Variants in SASH1 observed in about 807,000 individuals in gnomAD.
The protein encoded by SASH1 is SAM and SH3 domain-containing protein 1.
A neutral mutation model predicts 125.2 loss-of-function variants in SASH1; 44 were observed. The ratio of observed to expected loss-of-function variants is 0.35; its 90% confidence interval spans 0.28 to 0.45. The LOEUF (loss-of-function observed/expected upper bound fraction) is 0.45, where lower values mean the gene tolerates loss of function less well. Ranked by LOEUF, SASH1 falls within the 20% of genes least tolerant of loss-of-function variation. SASH1 has a pLI of 1.00. For synonymous variants in SASH1, 639 were observed against 649.1 expected (o/e 0.98, Z 0.24); for missense variants, 1,426 against 1,614.5 (o/e 0.88, Z 2.00).
intron 6 of SASH1, among the ~76,000 whole-genome samples, chr6:148,472,614 A>G (rs1778170487): frequency 6.6e-6 from 1 of 152,202 alleles, no homozygotes; most frequent in Admixed American, 6.5e-5. Context: ...AAAATGAATC[A>G]ACCCAGCAGG....
intron 4 of SASH1, among the ~76,000 whole-genome samples, chr6:148,447,962 C>T (rs1337649766): frequency 2.6e-5 from 4 of 152,132 alleles, no homozygotes; most frequent in Non-Finnish European, 5.9e-5. Context: ...ACTCCCCGAC[C>T]TTTCCCTGGG....
chr6:148,532,246 T>C lies in SASH1; in HGVS notation c.1565-551T>C, dbSNP rs1446227049. On this transcript the variant is annotated intron_variant, in intron 13 of 19. Coordinates refer to ENST00000367467, the MANE Select transcript of SASH1 (RefSeq NM_015278.5). The surrounding 1 kb of genome is among the most constrained non-coding windows in gnomAD (Gnocchi z 4.7). The stretch of plus-strand genomic sequence containing the variant: ...GTCATGCCACCACACCCGGCTAATT[T>C]TGTTGTAGAGACGGGGTTTTGCCAT... Among the ~76,000 whole-genome samples, 1 of 151,904 alleles carries C rather than the reference T, an allele frequency of 6.6e-6. No homozygotes were observed. Among genetic ancestry groups the C allele is most frequent in the African/African-American group, 2.4e-5 (1 of 41,352 alleles).
intron 1 of SASH1, among the ~76,000 whole-genome samples, chr6:148,345,750 T>G (rs1433081075): frequency 6.6e-6 from 1 of 152,232 alleles, no homozygotes; most frequent in East Asian, 1.9e-4. Context: ...CAATCATCTA[T>G]CAATCTAGAC....
chr6:148,429,031 C>T (rs144283071), intron 2 of SASH1, among the ~76,000 whole-genome samples: 76 of 152,232 alleles, frequency 5.0e-4, no homozygotes, highest in African/African-American at 1.7e-3. Context: ...AAGAAACTGA[C>T]AGGCCACTAC....
chr6:148,341,419 C>G (rs1312968843), upstream of SASH1, among the ~76,000 whole-genome samples: 2 of 151,284 alleles, frequency 1.3e-5, no homozygotes, highest in African/African-American at 4.9e-5. Flanking sequence ...GTGATTCGCC[C>G]GCCTCAGCCT....
intron 1 of SASH1, among the ~76,000 whole-genome samples, chr6:148,299,768 A>T (rs1213529979): frequency 6.6e-6 from 1 of 152,048 alleles, no homozygotes; most frequent in Non-Finnish European, 1.5e-5. Context: ...AACCTGTATT[A>T]GGAGGGGCTG....
chr6:148,249,539 G>C, the SASH1 span, among the ~76,000 whole-genome samples: 1 of 152,134 alleles, frequency 6.6e-6, no homozygotes, highest in Non-Finnish European at 1.5e-5. Context: ...GACAGATAGG[G>C]GTACGAATCT....
At chr6:148,365,552 C>T (rs1205344187) in intron 1 of SASH1, among the ~76,000 whole-genome samples, 1 of 152,008 alleles carries the variant, frequency 6.6e-6, no homozygotes, top group Non-Finnish European at 1.5e-5. Context: ...ACCATATTTC[C>T]CTTTAAGAAT....
rs751757360 is a variant in SASH1, at chr6:148,440,367, G to A, written c.346G>A (p.Gly116Ser). ...GAATCTTCTCTCGTAGGAGTCGCTT[G>A]GCTTCTGTAGCGCCGTGTCAACCCC... ...QLRSQIEESL[G>S]FCSAVSTPEV... The change falls in exon 4 of 20, where the codon GGC (glycine) becomes AGC (serine). Residue 116 changes from glycine to serine, a missense_variant. Gly to Ser is a moderately conservative substitution (Grantham distance 56). Around this residue, in one of 3 missense-constraint regions of SASH1, gnomAD observed 567 missense variants for 575.6 expected, o/e 0.99. Coordinates refer to ENST00000367467, the MANE Select transcript of SASH1 (RefSeq NM_015278.5). The A allele has an allele frequency of 6.8e-6, 11 of 1,613,300 alleles. No individual in the cohort carries two copies. Among genetic ancestry groups the A allele is most frequent in the Admixed American group, 3.3e-5 (2 of 59,978 alleles).
At chr6:148,265,633 T>C in the SASH1 span, among the ~76,000 whole-genome samples, 3 of 152,288 alleles carry the variant, frequency 2.0e-5, no homozygotes, top group African/African-American at 4.8e-5. Context: ...AGAGCATTGA[T>C]TAATGTTCCA....
At position 148,387,616 on chromosome 6, in the gene SASH1, CT is replaced by C. The variant is rs1184664789; in HGVS notation, c.157-2515del. On this transcript the variant is annotated intron_variant, in intron 1 of 19. Coordinates refer to ENST00000367467, the MANE Select transcript of SASH1 (RefSeq NM_015278.5). ...TCTTTCTTTCTTTCTTTCTTTCTTT[CT>C]TTCTTTCTTTCTTTCTTTCTTTCTT... Among the ~76,000 whole-genome samples the C allele has an allele frequency of 3.3e-4, 7 of 21,034 alleles. 1 individual carries two copies. Among genetic ancestry groups the C allele is most frequent in the African/African-American group, 1.4e-3 (7 of 4,960 alleles). 13.8% of individuals were successfully genotyped at this position (21,034 alleles called of 152,430 possible). A position where few individuals can be genotyped will look rare whatever the true frequency, so the allele number is the denominator to read the frequency against.
In SASH1 at chr6:148,525,360, C is replaced by T; in HGVS notation, c.1279C>T (p.Pro427Ser). 1 of 1,612,940 alleles carries T rather than the reference C, an allele frequency of 6.2e-7. No homozygotes were observed. ...GCACGTTGGCAGTAATAATTCTGAC[C>T]CAATGGTGAGTAACATCAGAGGAAA... ...SLHVGSNNSD[P>S]MGKEGDFVYK... The change falls in exon 11 of 20, where the codon CCA becomes TCA. Residue 427 changes from proline to serine, a missense_variant. This residue lies in a region of SASH1 where 567 missense variants were observed against 575.6 expected (regional missense o/e 0.99). Transcript: ENST00000367467.
At chr6:148,277,047 G>GATTAA (rs1167999114) in intron 1 of SASH1, among the ~76,000 whole-genome samples, 18 of 152,144 alleles carry the variant, frequency 1.2e-4, no homozygotes, top group Admixed American at 7.2e-4. Context: ...ACACGGTGTG[G>GATTAA]TAGACACATA....
chr6:148,526,188 C>A (rs117250715), intron 11 of SASH1, among the ~76,000 whole-genome samples: 1 of 151,398 alleles, frequency 6.6e-6, no homozygotes, highest in Non-Finnish European at 1.5e-5. Flanking sequence ...CTCAGCCTCC[C>A]GACTGGCTAG....
rs1354150193 is a variant in SASH1, at chr6:148,544,413, A to T, written c.2943A>T (p.Pro981=). Residue 981 remains proline (P), a synonymous_variant, in exon 18 of 20, where the codon CCA becomes CCT. Coordinates refer to ENST00000367467, the MANE Select transcript of SASH1 (RefSeq NM_015278.5). This position sits in a 1 kb window ranked among gnomAD's most constrained non-coding sequence, Gnocchi z 6.4. ...AGCAGAGAATGCAGCCCAAAATTCCATCACAGCCTCCACCTGTTCCTGCCA... is the reference window on the plus strand; with the variant it reads ...AGCAGAGAATGCAGCCCAAAATTCCTTCACAGCCTCCACCTGTTCCTGCCA... The part of the protein sequence containing the change: ...DAEQRMQPKI[P]SQPPPVPAKK... The T allele has an allele frequency of 1.4e-5, 22 of 1,614,214 alleles. No homozygotes were observed. The highest frequency in any genetic ancestry group is 1.9e-5 in the Non-Finnish European group (22 of 1,180,028).
intron 1 of SASH1, among the ~76,000 whole-genome samples, chr6:148,363,078 G>A (rs988225759): frequency 6.6e-6 from 1 of 152,308 alleles, no homozygotes; most frequent in Middle Eastern, 3.4e-3. Flanking sequence ...CTGATGTGGG[G>A]CAGGGACCCT....
the SASH1 span, among the ~76,000 whole-genome samples, chr6:148,219,864 G>A: frequency 1.3e-5 from 2 of 152,200 alleles, no homozygotes; most frequent in South Asian, 4.1e-4. Flanking sequence ...GGAACCTGAG[G>A]GGAGGGTCCG....
chr6:148,528,496 A>G (rs62432354), intron 12 of SASH1, among the ~76,000 whole-genome samples: 13,699 of 152,266 alleles, frequency 0.09, 751 homozygotes, highest in Middle Eastern at 0.14. Flanking sequence ...CATCGCCCCT[A>G]TGCGAATGAC....
intron 8 of SASH1, among the ~76,000 whole-genome samples, chr6:148,503,325 G>A (rs1450427429): frequency 6.7e-6 from 1 of 150,084 alleles, no homozygotes; most frequent in East Asian, 1.9e-4. Context: ...AAAAAAAAAA[G>A]AATGTGTTAG....
Sources: gnomAD v4.1 joint callset for allele counts (sites outside exome capture counted in the v4.1 genomes callset) on GRCh38, gnomAD v4.1.1 for gene constraint, gnomAD v4.1.1 regional missense constraint, Gnocchi (gnomAD v3.1) non-coding constraint, MANE v1.5 for transcripts, NCBI Gene and HGNC (gene_info 2026-07-23, HGNC 2026-07-21) for gene names.